The following FBXO4 variants were observed in gnomAD, a reference collection of about 807,000 sequenced individuals.
FBXO4 encodes F-box protein 4.
In FBXO4, 36 loss-of-function variants were observed where a neutral mutation model predicts 43.7. That is an observed-to-expected ratio of 0.82 (90% confidence interval 0.63 to 1.09). The LOEUF (loss-of-function observed/expected upper bound fraction) is 1.09. Ranked by LOEUF, FBXO4 falls within the 50% of genes least tolerant of loss-of-function variation. The pLI, the probability that FBXO4 is intolerant of heterozygous loss-of-function variation, is 0.00. For synonymous variants in FBXO4, 180 were observed against 165.6 expected, an observed-to-expected ratio of 1.09 and a Z score of -0.67; for missense variants, 435 against 474.1, an observed-to-expected ratio of 0.92 and a Z score of 0.77.
At chr5:41,981,644 C>T in the FBXO4 span, among the ~76,000 whole-genome samples, 1 of 151,572 alleles carries the variant, frequency 6.6e-6, no homozygotes, top group African/African-American at 2.4e-5. Context: ...TGAAACTGCT[C>T]AGCCTATGAC....
the FBXO4 span, among the ~76,000 whole-genome samples, chr5:42,021,225 G>C: frequency 1.3e-5 from 2 of 152,280 alleles, no homozygotes; most frequent in Admixed American, 1.3e-4. Context: ...AACTGTTCCA[G>C]TTGTTCAGTT....
At chr5:41,956,154 T>G in the FBXO4 span, among the ~76,000 whole-genome samples, 130 of 152,214 alleles carry the variant, frequency 8.5e-4, no homozygotes, top group African/African-American at 2.9e-3. Flanking sequence ...TAAAAACCAA[T>G]CCAGATGTAA....
the FBXO4 span, among the ~76,000 whole-genome samples, chr5:42,031,230 T>G: frequency 6.6e-6 from 1 of 152,004 alleles, no homozygotes. Flanking sequence ...AACAATAGAC[T>G]GGATTAAGAA....
the FBXO4 span, among the ~76,000 whole-genome samples, chr5:41,979,564 A>G: frequency 3.3e-5 from 5 of 152,170 alleles, no homozygotes; most frequent in Admixed American, 6.5e-5. Context: ...CACTCCCAAC[A>G]TGGCCAGTTT....
At chr5:42,034,619 G>T in the FBXO4 span, among the ~76,000 whole-genome samples, 109 of 152,232 alleles carry the variant, frequency 7.2e-4, no homozygotes, top group Non-Finnish European at 1.2e-3. Context: ...ATTAAATAGG[G>T]AATCCTTTCC....
chr5:41,934,549 G>C, intron 5 of FBXO4: 8 of 1,360,812 alleles, frequency 5.9e-6, no homozygotes, highest in Admixed American at 3.0e-5. Context: ...TCCTAGATTT[G>C]GGTTGTGTGA....
the FBXO4 span, among the ~76,000 whole-genome samples, chr5:42,015,569 G>T: frequency 6.6e-6 from 1 of 152,102 alleles, no homozygotes; most frequent in African/African-American, 2.4e-5. Flanking sequence ...TCTCTTTTAT[G>T]TAAGAATAAA....
intron 5 of FBXO4, chr5:41,934,552 T>C (rs1232595744): frequency 2.2e-6 from 3 of 1,362,286 alleles, no homozygotes; most frequent in Non-Finnish European, 9.5e-7. Flanking sequence ...TAGATTTGGG[T>C]TGTGTGAATC....
chr5:41,943,734 T>C (rs1408184088), downstream of FBXO4, among the ~76,000 whole-genome samples: 2 of 152,312 alleles, frequency 1.3e-5, no homozygotes, highest in East Asian at 3.9e-4. Flanking sequence ...TGCATGTGCA[T>C]ATTAATAACT....
chr5:41,973,601 A>G, the FBXO4 span, among the ~76,000 whole-genome samples: 1 of 152,158 alleles, frequency 6.6e-6, no homozygotes, highest in African/African-American at 2.4e-5. Flanking sequence ...AGATTGCTTG[A>G]ACCCATGAGG....
chr5:41,951,321 C>T, the FBXO4 span: 29 of 206,354 alleles, frequency 1.4e-4, no homozygotes, highest in Non-Finnish European at 2.1e-4. Context: ...CACTATTCAG[C>T]GGTTCTTCCT....
At chr5:41,980,050 G>C in the FBXO4 span, among the ~76,000 whole-genome samples, 1 of 152,102 alleles carries the variant, frequency 6.6e-6, no homozygotes, top group Admixed American at 6.5e-5. Context: ...TCCTAACCTG[G>C]GGGCTTAGTG....
the FBXO4 span, chr5:41,951,943 G>T: frequency 6.2e-6 from 2 of 324,192 alleles, no homozygotes; most frequent in South Asian, 3.4e-5. Context: ...ACAGCCTGGT[G>T]GTCAGTATTC....
At chr5:41,982,468 A>G in the FBXO4 span, among the ~76,000 whole-genome samples, 1 of 151,824 alleles carries the variant, frequency 6.6e-6, no homozygotes, top group Non-Finnish European at 1.5e-5. Flanking sequence ...TTTAATTTGC[A>G]TATATTTGAT....
At chr5:41,964,592 G>GT in the FBXO4 span, among the ~76,000 whole-genome samples, 58,518 of 135,552 alleles carry the variant, frequency 0.43, 13,150 homozygotes, top group Non-Finnish European at 0.54. Flanking sequence ...CAAGCCAAGT[G>GT]TTTTTTTTTT....
At chr5:41,969,806 A>C in the FBXO4 span, among the ~76,000 whole-genome samples, 7 of 152,162 alleles carry the variant, frequency 4.6e-5, no homozygotes, top group Non-Finnish European at 1.0e-4. Context: ...CACACACACA[A>C]AAATGTGCAG....
the FBXO4 span, among the ~76,000 whole-genome samples, chr5:42,029,257 C>G: frequency 3.3e-5 from 5 of 151,968 alleles, no homozygotes; most frequent in Admixed American, 3.3e-4. Context: ...ACTTTATATA[C>G]GTCATGCCAC....
chr5:41,963,804 C>T, the FBXO4 span: 1 of 151,996 alleles, frequency 6.6e-6, no homozygotes, highest in African/African-American at 2.4e-5. Flanking sequence ...TATATGTGGA[C>T]CTGTGCAGTT....
chr5:41,981,908 C>G, the FBXO4 span, among the ~76,000 whole-genome samples: 4 of 141,600 alleles, frequency 2.8e-5, no homozygotes, highest in Admixed American at 2.9e-4. Flanking sequence ...CCTCCCCTCA[C>G]CCCACAACAG....
Sources: allele counts gnomAD v4.1 joint callset (sites outside exome capture counted in the v4.1 genomes callset), GRCh38; gene constraint gnomAD v4.1.1; transcripts MANE v1.5; gene names NCBI Gene and HGNC (gene_info 2026-07-23, HGNC 2026-07-21).